The following NEO1 variants were observed in gnomAD, a reference collection of about 807,000 sequenced individuals.
NEO1 encodes the protein neogenin.
NEO1 carries 63 observed loss-of-function variants against 159.7 expected under a neutral mutation model. The observed-to-expected ratio is 0.39, with a 90% CI of 0.32 to 0.49. The LOEUF (loss-of-function observed/expected upper bound fraction) is 0.49. NEO1 is among the 20% of genes least tolerant of loss of function. NEO1 has a pLI of 0.85. For synonymous variants in NEO1, 633 were observed against 662.0 expected, an observed-to-expected ratio of 0.96 and a Z score of 0.67; for missense variants, 1,615 against 1,831.0, an observed-to-expected ratio of 0.88 and a Z score of 2.15.
At chr15:73,267,522 A>G (rs1163593015) in intron 16 of NEO1, among the ~76,000 whole-genome samples, 1 of 147,872 alleles carries the variant, frequency 6.8e-6, no homozygotes, top group Non-Finnish European at 1.5e-5. Flanking sequence ...TATATCTCCT[A>G]ATGCTATCCC....
intron 21 of NEO1, 24 bp from the exon 22 acceptor site, chr15:73,278,107 T>C (rs532688895): frequency 1.2e-6 from 2 of 1,604,366 alleles, no homozygotes; most frequent in East Asian, 2.2e-5. Flanking sequence ...GGGGTCATTA[T>C]TGACATGATT....
chr15:73,304,422 G>C lies in NEO1; in HGVS notation c.*1726G>C, dbSNP rs1263050490. Reference sequence around the variant, plus strand: ...TTCTATAGCCAAGAAGAGATCAGCTGCTGAAACCACCAGTGGGTACCCCAG... The same window carrying C: ...TTCTATAGCCAAGAAGAGATCAGCTCCTGAAACCACCAGTGGGTACCCCAG... On this transcript the variant is annotated 3_prime_UTR_variant, in exon 29 of 29. Coordinates refer to ENST00000261908, the MANE Select transcript of NEO1 (RefSeq NM_002499.4). 6.6e-6 allele frequency: 1 copy of C among 152,246 alleles called. No individual in the cohort carries two copies. Among genetic ancestry groups the C allele is most frequent in the African/African-American group, 2.4e-5 (1 of 41,456 alleles). 9.4% of individuals were successfully genotyped at this position (152,246 alleles called of 1,614,324 possible).
intron 1 of NEO1, among the ~76,000 whole-genome samples, chr15:73,061,191 C>T (rs895136821): frequency 2.0e-5 from 3 of 152,086 alleles, no homozygotes; most frequent in Non-Finnish European, 4.4e-5. Flanking sequence ...TTGGGAAATG[C>T]CCCCTGCAGC....
intron 22 of NEO1, among the ~76,000 whole-genome samples, chr15:73,278,792 T>C (rs1225929441): frequency 1.3e-5 from 2 of 152,210 alleles, no homozygotes; most frequent in African/African-American, 4.8e-5. Flanking sequence ...AGAAACTAAG[T>C]GGAGAAGTAA....
At chr15:73,071,451 C>G (rs2068527662) in intron 1 of NEO1, among the ~76,000 whole-genome samples, 1 of 152,026 alleles carries the variant, frequency 6.6e-6, no homozygotes, top group Admixed American at 6.6e-5. Flanking sequence ...TGAGAATGAA[C>G]TCCTCCTCCA....
intron 7 of NEO1, among the ~76,000 whole-genome samples, chr15:73,194,624 C>A (rs2036430178): frequency 6.6e-6 from 1 of 152,158 alleles, no homozygotes; most frequent in Non-Finnish European, 1.5e-5. Flanking sequence ...GTTCTGTCCC[C>A]ATGACACAAA....
At chr15:73,206,850 T>C (rs566361331) in intron 7 of NEO1, among the ~76,000 whole-genome samples, 5 of 150,602 alleles carry the variant, frequency 3.3e-5, no homozygotes, top group African/African-American at 1.2e-4. Flanking sequence ...TGTGTGTGCG[T>C]GTGTGTGTGT....
chr15:73,241,720 T>C (rs1016564275), intron 8 of NEO1, among the ~76,000 whole-genome samples: 5 of 152,188 alleles, frequency 3.3e-5, no homozygotes, highest in Admixed American at 3.3e-4. Flanking sequence ...CTTAAGAGAA[T>C]TGTTGTTTCA....
chr15:73,067,087 TTGTC>T (rs2151288903), intron 1 of NEO1, among the ~76,000 whole-genome samples: 1 of 152,342 alleles, frequency 6.6e-6, no homozygotes, highest in South Asian at 2.1e-4. Flanking sequence ...TTGTGGAAGT[TTGTC>T]TGGTTTTTCA....
chr15:73,274,012 C>CATT lies in NEO1; in HGVS notation c.3160+7_3160+8insATT, dbSNP rs754173062. 1.1e-4 allele frequency: 178 copies of CATT among 1,610,880 alleles called. No homozygotes were observed. The highest frequency in any genetic ancestry group is 1.5e-4 in the Non-Finnish European group (173 of 1,178,508). ...CAATTCAGAACACCTAAAGGTAATG[C>CATT]TCCCCAAGCTGAGGGTTTTGTTGTG... On this transcript the variant is annotated splice_region_variant and intron_variant, in intron 20 of 28. Transcript: ENST00000261908.
intron 7 of NEO1, among the ~76,000 whole-genome samples, chr15:73,188,107 TCTTAA>T (rs1384633793): frequency 1.3e-5 from 2 of 152,144 alleles, no homozygotes; most frequent in Non-Finnish European, 1.5e-5. Context: ...GTTTGTAGAC[TCTTAA>T]CTTCTGTCTG....
chr15:73,122,921 G>C (rs995163392), intron 3 of NEO1, 121 bp downstream of exon 3: 2 of 1,237,582 alleles, frequency 1.6e-6, no homozygotes, highest in Non-Finnish European at 2.3e-6. Flanking sequence ...TGTAATCCCA[G>C]CACTTTGGGA....
At chr15:73,216,723 A>G (rs1337603893) in intron 7 of NEO1, among the ~76,000 whole-genome samples, 1 of 152,064 alleles carries the variant, frequency 6.6e-6, no homozygotes, top group Non-Finnish European at 1.5e-5. Context: ...TGGCTGCATA[A>G]ATGTCTTCTT....
intron 11 of NEO1, 27 bp from the exon 12 acceptor site, chr15:73,253,373 A>T (rs868528968): frequency 0.015 from 17,239 of 1,147,224 alleles, 29 homozygotes; most frequent in South Asian, 0.019. Flanking sequence ...TAAAAAAAAA[A>T]TTTTTTTTTT....
chr15:73,221,447 C>T (rs2038257021), intron 7 of NEO1, among the ~76,000 whole-genome samples: 1 of 152,216 alleles, frequency 6.6e-6, no homozygotes, highest in Non-Finnish European at 1.5e-5. Flanking sequence ...AGAACCACTG[C>T]TCTCTGCAAA....
chr15:73,271,355 A>G (rs151200301), intron 18 of NEO1, among the ~76,000 whole-genome samples: 2,065 of 152,306 alleles, frequency 0.014, 19 homozygotes, highest in South Asian at 0.017. Context: ...TACATTTTAT[A>G]CTAAGAGAAT....
rs201590355 is a variant in NEO1 at position 73,298,532 on chromosome 15, C to T, written c.4086C>T (p.Phe1362=). Residue 1362 remains phenylalanine, a synonymous_variant, in exon 27 of 29, where the codon TTC becomes TTT. Transcript: ENST00000261908. ...GCCCTTCCCACCCATTGAAGAGCTT[C>T]GCCGTGCCAGCAATCCCGCCTCCAG... ...HVRPSHPLKS[F]AVPAIPPPGP... is the part of the protein sequence containing the mutation. The T allele has an allele frequency of 8.7e-6, 14 of 1,614,150 alleles. No homozygotes were observed. The highest frequency in any genetic ancestry group is 8.0e-5 in the African/African-American group (6 of 75,040).
chr15:73,093,484 T>C (rs2069814976), intron 1 of NEO1, among the ~76,000 whole-genome samples: 1 of 152,234 alleles, frequency 6.6e-6, no homozygotes, highest in South Asian at 2.1e-4. Flanking sequence ...TATGAACTCA[T>C]GGGTATTTAT....
chr15:73,064,801 G>A (rs2151273840), intron 1 of NEO1, among the ~76,000 whole-genome samples: 1 of 152,256 alleles, frequency 6.6e-6, no homozygotes, highest in East Asian at 1.9e-4. Context: ...TTTGTAGCAC[G>A]TGGTTAGGTT....
Sources: allele counts gnomAD v4.1 joint callset (sites outside exome capture counted in the v4.1 genomes callset), GRCh38; gene constraint gnomAD v4.1.1; transcripts MANE v1.5; gene names NCBI Gene and HGNC (gene_info 2026-07-23, HGNC 2026-07-21).